RNF17: variants seen among roughly 807,000 people sequenced by gnomAD.
RNF17 encodes ring finger protein 17, also known as spermatogenesis associated 23.
Under a neutral mutation model 200.5 loss-of-function variants are expected in RNF17, and 31 were observed. That is an observed-to-expected ratio of 0.15 (90% CI 0.12 to 0.21). The LOEUF (loss-of-function observed/expected upper bound fraction) is 0.21, where lower values mean the gene tolerates loss of function less well. RNF17 is among the 10% of genes least tolerant of loss of function. The pLI, the probability that RNF17 is intolerant of heterozygous loss-of-function variation, is 1.00. For synonymous variants in RNF17, 606 were observed against 637.8 expected (o/e 0.95, Z 0.75); for missense variants, 1,628 against 1,905.1 (o/e 0.85, Z 2.71).
At position 24,862,812 on chromosome 13, in the gene RNF17, AGTT is replaced by A. The variant is rs1416075299; in HGVS notation, c.3975+23_3975+25del. 7.3e-7 allele frequency: 1 copy of A among 1,365,868 alleles called. No homozygotes were observed. The highest frequency in any genetic ancestry group is 1.0e-6 in the Non-Finnish European group (1 of 962,136). The allele number at this position is 1,365,868 out of a possible 1,614,324, so 84.6% of individuals were successfully genotyped here. On this transcript the variant is annotated intron_variant, in intron 28 of 35. Coordinates refer to ENST00000255324, the MANE Select transcript of RNF17 (RefSeq NM_031277.3). ...CATTATGGTAATTTAAAGTATATAT[AGTT>A]GTTATAAATTACTTGCCATAAAATA...
intron 29 of RNF17, among the ~76,000 whole-genome samples, chr13:24,865,395 C>T (rs550393243): frequency 9.5e-4 from 145 of 152,290 alleles, no homozygotes; most frequent in African/African-American, 3.3e-3. Context: ...CTCTCATTTG[C>T]CTTCTCACAG....
chr13:24,797,039 T>A (rs1339537865), intron 11 of RNF17, among the ~76,000 whole-genome samples: 2 of 152,158 alleles, frequency 1.3e-5, no homozygotes, highest in African/African-American at 4.8e-5. Flanking sequence ...ATCATATACT[T>A]TGACAAAAAT....
the RNF17 span, among the ~76,000 whole-genome samples, chr13:24,755,179 C>T: frequency 3.3e-5 from 5 of 152,062 alleles, no homozygotes; most frequent in Admixed American, 2.0e-4. Flanking sequence ...GTTTTATTAA[C>T]AATAAACACT....
At chr13:24,884,558 AT>A, downstream of RNF17, 1 of 1,233,142 alleles carries the variant, frequency 8.1e-7, no homozygotes, top group Admixed American at 1.7e-5. Context: ...ATTTTTTGTA[AT>A]AAAATGTAAA....
intron 31 of RNF17, among the ~76,000 whole-genome samples, chr13:24,869,340 A>G (rs1035007361): frequency 6.6e-6 from 1 of 152,238 alleles, no homozygotes; most frequent in Non-Finnish European, 1.5e-5. Flanking sequence ...TTCTAATTTC[A>G]TCAGAGAGCA....
At chr13:24,794,153 AG>A (rs1168101744) in intron 10 of RNF17, 3 of 446,880 alleles carry the variant, frequency 6.7e-6, no homozygotes, top group Non-Finnish European at 1.3e-5. Flanking sequence ...ATTTTGATGA[AG>A]CATGCGGCAC....
At chr13:24,885,423 C>G in the RNF17 span, 1 of 1,428,322 alleles carries the variant, frequency 7.0e-7, no homozygotes, top group South Asian at 1.1e-5. Flanking sequence ...CTAAAACCTA[C>G]TCTTACTTCC....
chr13:24,844,248 T>C (rs1890998028), intron 20 of RNF17, among the ~76,000 whole-genome samples: 1 of 152,178 alleles, frequency 6.6e-6, no homozygotes, highest in Non-Finnish European at 1.5e-5. Flanking sequence ...TAGACAAATC[T>C]TTGTTACCAT....
intron 13 of RNF17, among the ~76,000 whole-genome samples, chr13:24,801,634 T>G (rs1281530975): frequency 1.3e-5 from 2 of 151,940 alleles, no homozygotes; most frequent in East Asian, 3.9e-4. Flanking sequence ...AAGAAAAAAT[T>G]GTTTGCCCAG....
At chr13:24,826,248 C>T (rs1888622965) in intron 16 of RNF17, 1 of 238,408 alleles carries the variant, frequency 4.2e-6, no homozygotes, top group South Asian at 1.5e-4. Flanking sequence ...ATTGATTCAA[C>T]TTATGAAATA....
chr13:24,781,762 A>G (rs1404670838), intron 5 of RNF17, 82 bp from the exon 6 acceptor site: 13 of 908,044 alleles, frequency 1.4e-5, no homozygotes, highest in Non-Finnish European at 2.2e-5. Flanking sequence ...TCTAGAAAGT[A>G]CCTTTTACTT....
At chr13:24,765,237 G>C (rs1879486434) in intron 1 of RNF17, among the ~76,000 whole-genome samples, 1 of 152,004 alleles carries the variant, frequency 6.6e-6, no homozygotes, top group Non-Finnish European at 1.5e-5. Context: ...GGATGGTCTC[G>C]ATCTCCTGAC....
Position 24,844,659 on chromosome 13 carries a change from GA to G in RNF17, c.2843del (p.Lys948ArgfsTer2). The G allele has an allele frequency of 6.3e-7, 1 of 1,592,070 alleles. No homozygotes were observed. Among genetic ancestry groups the G allele is most frequent in the Non-Finnish European group, 8.6e-7 (1 of 1,162,690 alleles). ...LTENLLNSLE[E>X]KMIAAYENSK... is the part of the protein sequence containing the mutation. ...TATTTTTTATCTCTATAGTTTAGAA[GA>G]AAAGATGATAGCTGCTTATGAAAAC... On this transcript the variant is annotated frameshift_variant, in exon 21 of 36. Transcript: ENST00000255324. LOFTEE classifies it high-confidence loss of function.
chr13:24,763,709 A>G (rs1879101672), upstream of RNF17, among the ~76,000 whole-genome samples: 2 of 152,230 alleles, frequency 1.3e-5, no homozygotes, highest in South Asian at 4.2e-4. Flanking sequence ...GTTAGTAATG[A>G]TGAACACTCC....
rs1235576795 is a variant in RNF17, at chr13:24,764,293, C to T, written c.90C>T (p.Ile30=). ...RKSQPWGAAE[I]QCTRCGRRVS... is the part of the protein sequence containing the mutation. ...GTCAGCCCTGGGGTGCCGCTGAAAT[C>T]CAGTGCACCAGGTGTGGAAGGAGGG... Residue 30 remains isoleucine (I), a synonymous_variant, in exon 1 of 36, where the codon ATC becomes ATT. Coordinates refer to ENST00000255324, the MANE Select transcript of RNF17 (RefSeq NM_031277.3). The T allele has an allele frequency of 6.2e-7, 1 of 1,611,590 alleles. No homozygotes were observed. The highest frequency in any genetic ancestry group is 1.3e-5 in the African/African-American group (1 of 75,022).
chr13:24,814,381 A>G (rs1338498721), intron 15 of RNF17, among the ~76,000 whole-genome samples: 3 of 152,094 alleles, frequency 2.0e-5, no homozygotes, highest in Non-Finnish European at 4.4e-5. Flanking sequence ...AAAGTTTTTA[A>G]TTTTATGAAG....
intron 32 of RNF17, among the ~76,000 whole-genome samples, chr13:24,872,492 T>C (rs1894402567): frequency 6.6e-6 from 1 of 152,042 alleles, no homozygotes; most frequent in Non-Finnish European, 1.5e-5. Flanking sequence ...TATACCGTAC[T>C]AATTTTTCCA....
At chr13:24,768,159 ATAAG>A (rs1284967308) in intron 2 of RNF17, among the ~76,000 whole-genome samples, 4 of 152,248 alleles carry the variant, frequency 2.6e-5, no homozygotes, top group African/African-American at 9.6e-5. Flanking sequence ...AAATCTTTCC[ATAAG>A]AATGAGAACA....
chr13:24,782,607 G>GGC (rs1555265932), intron 6 of RNF17, among the ~76,000 whole-genome samples: 1 of 99,002 alleles, frequency 1.0e-5, no homozygotes, highest in Non-Finnish European at 2.1e-5. Context: ...GGCTGAGATG[G>GGC]GGGGGGGATC....
Sources: gnomAD v4.1 joint callset for allele counts (sites outside exome capture counted in the v4.1 genomes callset) on GRCh38, gnomAD v4.1.1 for gene constraint, MANE v1.5 for transcripts, NCBI Gene and HGNC (gene_info 2026-07-23, HGNC 2026-07-21) for gene names.